Variants in CCDC12 observed in about 807,000 individuals in gnomAD.
CCDC12 encodes coiled-coil domain containing 12, also known as coiled-coil domain-containing protein 12.
In CCDC12, 28 loss-of-function variants were observed where a neutral mutation model predicts 25.7. The ratio of observed to expected loss-of-function variants is 1.09; its 90% CI spans 0.81 to 1.50. The LOEUF is 1.50. Among genes scored for constraint, CCDC12 ranks in the 40% most tolerant of loss-of-function variants. CCDC12 has a pLI of 0.00. For missense variants in CCDC12, 198 were observed against 210.0 expected, an observed-to-expected ratio of 0.94 and a Z score of 0.35; for synonymous variants, 75 against 87.7, an observed-to-expected ratio of 0.86 and a Z score of 0.81.
rs2033034487 is a variant in CCDC12, at chr3:46,927,867, C to T, written c.165-2332G>A. Among the ~76,000 whole-genome samples the T allele has an allele frequency of 4.6e-5, 7 of 152,170 alleles. No individual in the cohort carries two copies. In the South Asian group the frequency reaches 1.2e-3, roughly 27 times the overall value. Reference sequence around the variant, plus strand: ...TAGCGTGGAGAGCTAAGAGACTTCCCCTCCCTAATGCCCACTTAACTGCCC... The same window carrying T: ...TAGCGTGGAGAGCTAAGAGACTTCCTCTCCCTAATGCCCACTTAACTGCCC... On this transcript the variant is annotated intron_variant, in intron 2 of 6. Coordinates refer to ENST00000683445, the MANE Select transcript of CCDC12 (RefSeq NM_001277074.2).
In CCDC12 at chr3:46,930,091, A is replaced by G. The variant is rs191050756; in HGVS notation, c.165-4556T>C. On this transcript the variant is annotated intron_variant, in intron 2 of 6. Transcript: ENST00000683445. ...GGTCTCCCTATGTTGCTCAGGCTGG[A>G]CTTGATCTCCTGGGCTTAAGCAATC... Among the ~76,000 whole-genome samples the G allele has an allele frequency of 1.6e-3, 244 of 148,246 alleles. 1 individual carries two copies. The highest frequency in any genetic ancestry group is 2.8e-3 in the Non-Finnish European group (186 of 66,890).
upstream of CCDC12, among the ~76,000 whole-genome samples, chr3:46,977,213 G>A (rs1200679911): frequency 6.6e-6 from 1 of 152,122 alleles, no homozygotes; most frequent in African/African-American, 2.4e-5. Context: ...GGTGGCTCAC[G>A]CCTGTAATCC....
chr3:46,978,800 G>C (rs377445228), upstream of CCDC12, among the ~76,000 whole-genome samples: 2 of 152,148 alleles, frequency 1.3e-5, no homozygotes, highest in South Asian at 4.2e-4. Flanking sequence ...TGGCTAACAC[G>C]GTGGAACCCC....
intron 1 of CCDC12, among the ~76,000 whole-genome samples, chr3:46,961,806 T>C (rs899266628): frequency 2.6e-5 from 4 of 152,362 alleles, no homozygotes; most frequent in South Asian, 2.1e-4. Context: ...CAGGATGTTA[T>C]GGAAGGTTAA....
intron 1 of CCDC12, among the ~76,000 whole-genome samples, chr3:46,951,774 C>T (rs1199891191): frequency 1.4e-3 from 14 of 9,658 alleles, no homozygotes; most frequent in African/African-American, 2.5e-3. Context: ...AACGAGACTC[C>T]GTCTCAAAAA....
chr3:46,938,758 A>G (rs2033568041), intron 2 of CCDC12, among the ~76,000 whole-genome samples: 1 of 151,736 alleles, frequency 6.6e-6, no homozygotes, highest in South Asian at 2.1e-4. Context: ...TGAGGTGGGA[A>G]GATCGCTTGA....
In CCDC12 at chr3:46,923,637, G is replaced by A. The variant is rs764973299; in HGVS notation, c.276C>T (p.Ala92=). 47 of 1,583,228 alleles carry A rather than the reference G, an allele frequency of 3.0e-5. No homozygotes were observed. The highest frequency in any genetic ancestry group is 4.6e-5 in the East Asian group (2 of 43,876). ...CCTCGATGACGGGCTCGGGCTTGGC[G>A]GCCTCCAGCTGCTCCTTCACCTTCT... ...VEEKVKEQLE[A]AKPEPVIEEV... is the part of the protein sequence containing the mutation. Residue 92 remains alanine (A), a synonymous_variant, in exon 4 of 7, where the codon GCC becomes GCT. Transcript: ENST00000683445.
At chr3:46,942,693 T>A (rs1469966898) in intron 1 of CCDC12, among the ~76,000 whole-genome samples, 2 of 152,072 alleles carry the variant, frequency 1.3e-5, no homozygotes, top group African/African-American at 4.8e-5. Flanking sequence ...CAGATCAACA[T>A]GCCCCCCACC....
At chr3:46,979,120 G>A (rs1380719072), upstream of CCDC12, among the ~76,000 whole-genome samples, 3 of 152,220 alleles carry the variant, frequency 2.0e-5, no homozygotes, top group Admixed American at 2.0e-4. Flanking sequence ...AGGCTTCCTG[G>A]AGGAGGGAGG....
chr3:46,960,535 G>A (rs1012204836), intron 1 of CCDC12, among the ~76,000 whole-genome samples: 1 of 152,214 alleles, frequency 6.6e-6, no homozygotes, highest in East Asian at 1.9e-4. Context: ...ATTTTCTCTA[G>A]ACAGAGCAGC....
At chr3:46,978,099 C>T (rs1312048150), upstream of CCDC12, among the ~76,000 whole-genome samples, 1 of 152,206 alleles carries the variant, frequency 6.6e-6, no homozygotes, top group Non-Finnish European at 1.5e-5. Flanking sequence ...AAGCTGGCTA[C>T]AGGTGGACAT....
chr3:46,954,469 T>A (rs1032223210), intron 1 of CCDC12, among the ~76,000 whole-genome samples: 1 of 152,234 alleles, frequency 6.6e-6, no homozygotes, highest in African/African-American at 2.4e-5. Context: ...ACATCAATTC[T>A]GGATCCCCTA....
intron 5 of CCDC12, 127 bp downstream of exon 5, chr3:46,923,202 C>G (rs1177872975): frequency 2.8e-5 from 27 of 973,540 alleles, no homozygotes; most frequent in Non-Finnish European, 3.3e-5. Context: ...GTAGCTATCT[C>G]GTGTAACTCT....
chr3:46,929,419 G>A (rs1411683928), intron 2 of CCDC12, among the ~76,000 whole-genome samples: 2 of 152,186 alleles, frequency 1.3e-5, no homozygotes, highest in African/African-American at 2.4e-5. Flanking sequence ...TACAGTGTCC[G>A]GGGCCACCAC....
chr3:46,969,940 T>C lies in CCDC12; in HGVS notation c.96+6697A>G, dbSNP rs139643716. Among the ~76,000 whole-genome samples the C allele has an allele frequency of 5.2e-3, 780 of 150,138 alleles. 7 individuals carry two copies. The highest frequency in any genetic ancestry group is 0.018 in the African/African-American group (735 of 40,796). On this transcript the variant is annotated intron_variant, in intron 1 of 6. Coordinates refer to ENST00000683445, the MANE Select transcript of CCDC12 (RefSeq NM_001277074.2). Reference sequence around the variant, plus strand: ...TTTTTTGAGACAGGGTCTCACACTGTTGCCCGGGCTGGGGTGCAGTGACGT... The same window carrying C: ...TTTTTTGAGACAGGGTCTCACACTGCTGCCCGGGCTGGGGTGCAGTGACGT...
upstream of CCDC12, among the ~76,000 whole-genome samples, chr3:46,977,403 G>A (rs1409246075): frequency 6.7e-6 from 1 of 149,804 alleles, no homozygotes; most frequent in Non-Finnish European, 1.5e-5. Context: ...AACCAGAGAG[G>A]CGGAGGTTGC....
At chr3:46,941,121 A>G in intron 1 of CCDC12, 56 bp from the exon 2 acceptor site, 4 of 1,566,736 alleles carry the variant, frequency 2.6e-6, no homozygotes, top group Non-Finnish European at 3.5e-6. Context: ...CTTCCAGTCC[A>G]CGTGGCCCAG....
At chr3:46,949,526 T>C (rs552940882) in intron 1 of CCDC12, among the ~76,000 whole-genome samples, 1 of 152,292 alleles carries the variant, frequency 6.6e-6, no homozygotes, top group African/African-American at 2.4e-5. Context: ...CACTGTGGTA[T>C]GCAGGAAGCC....
At chr3:46,930,216 C>T (rs1055760879) in intron 2 of CCDC12, among the ~76,000 whole-genome samples, 1 of 152,018 alleles carries the variant, frequency 6.6e-6, no homozygotes, top group Admixed American at 6.5e-5. Flanking sequence ...CTGTAGTTTC[C>T]GGAATTTCTA....
Sources: gnomAD v4.1 joint callset for allele counts (sites outside exome capture counted in the v4.1 genomes callset) on GRCh38, gnomAD v4.1.1 for gene constraint, MANE v1.5 for transcripts, NCBI Gene and HGNC (gene_info 2026-07-23, HGNC 2026-07-21) for gene names.